Variants in HDAC9 observed in about 807,000 individuals in gnomAD.
The protein encoded by HDAC9 is histone deacetylase 9, also known as MEF-2 interacting transcription repressor (MITR) protein.
In HDAC9, 41 loss-of-function variants were observed where a neutral mutation model predicts 139.4. The observed-to-expected ratio is 0.29, with a 90% CI of 0.23 to 0.38. The LOEUF (loss-of-function observed/expected upper bound fraction) is 0.38. Ranked by LOEUF, HDAC9 falls within the 10% of genes least tolerant of loss-of-function variation. The pLI, the probability that HDAC9 is intolerant of heterozygous loss-of-function variation, is 1.00. For synonymous variants in HDAC9, 517 were observed against 476.2 expected (o/e 1.09, Z -1.12); for missense variants, 1,147 against 1,297.0 (o/e 0.88, Z 1.78).
chr7:18,957,713 T>A (rs1783253049), intron 24 of HDAC9, among the ~76,000 whole-genome samples: 1 of 152,214 alleles, frequency 6.6e-6, no homozygotes, highest in Non-Finnish European at 1.5e-5. Flanking sequence ...TAACCCATTA[T>A]GAAGCTGCCC....
intron 1 of HDAC9, among the ~76,000 whole-genome samples, chr7:18,484,589 G>T (rs892853055): frequency 2.0e-5 from 3 of 152,104 alleles, no homozygotes; most frequent in South Asian, 4.1e-4. Context: ...TATGTTTGTG[G>T]ATTCCCTGTT....
At position 18,998,151 on chromosome 7, in the gene HDAC9, T is replaced by A. The variant is rs1006707042; in HGVS notation, c.*2089T>A. On this transcript the variant is annotated 3_prime_UTR_variant, in exon 26 of 26. Coordinates refer to ENST00000686413, the MANE Select transcript of HDAC9 (RefSeq NM_178425.4). ...TTAAAAAGGAAACTCATGTTTTAAT[T>A]AGAAAAATAATTGTGTAGTTTTAAA... is the stretch of plus-strand genomic sequence containing the variant. 2.6e-5 allele frequency: 4 copies of A among 152,310 alleles called. No homozygotes were observed. The South Asian group carries it at 8.3e-4, about 32-fold the overall frequency. 9.4% of individuals were successfully genotyped at this position (152,310 alleles called of 1,614,324 possible). A position where few individuals can be genotyped will look rare whatever the true frequency, so the allele number is the denominator to read the frequency against.
At chr7:18,191,992 C>T (rs891215597) in intron 2 of HDAC9, among the ~76,000 whole-genome samples, 1 of 152,110 alleles carries the variant, frequency 6.6e-6, no homozygotes, top group African/African-American at 2.4e-5. Flanking sequence ...CAAGGTCTTT[C>T]CCCAGCTATG....
At chr7:18,274,861 A>G (rs2128216435) in intron 2 of HDAC9, among the ~76,000 whole-genome samples, 1 of 152,358 alleles carries the variant, frequency 6.6e-6, no homozygotes, top group African/African-American at 2.4e-5. Flanking sequence ...ACACAAAGAC[A>G]TGCTTCAGAA....
intron 1 of HDAC9, among the ~76,000 whole-genome samples, chr7:18,408,337 G>T (rs1788213278): frequency 6.6e-6 from 1 of 152,154 alleles, no homozygotes; most frequent in Non-Finnish European, 1.5e-5. Context: ...ATGAATGAAT[G>T]AATGAACAAA....
chr7:18,225,606 A>AAC (rs1793003208), intron 2 of HDAC9, among the ~76,000 whole-genome samples: 2 of 152,162 alleles, frequency 1.3e-5, no homozygotes, highest in African/African-American at 2.4e-5. Flanking sequence ...ATATACATGG[A>AAC]ATCTTAAATA....
At chr7:18,275,734 C>T (rs1223669468) in intron 2 of HDAC9, among the ~76,000 whole-genome samples, 1 of 152,100 alleles carries the variant, frequency 6.6e-6, no homozygotes, top group Non-Finnish European at 1.5e-5. Flanking sequence ...TTCCCTTCCT[C>T]GGGTGTTTTC....
intron 1 of HDAC9, among the ~76,000 whole-genome samples, chr7:18,462,025 G>C (rs186944489): frequency 1.3e-5 from 2 of 151,854 alleles, no homozygotes; most frequent in South Asian, 4.1e-4. Context: ...GTTATGTTTT[G>C]ACTAAGTATT....
chr7:18,741,626 C>G (rs1787465647), intron 13 of HDAC9, among the ~76,000 whole-genome samples: 1 of 144,576 alleles, frequency 6.9e-6, no homozygotes, highest in Non-Finnish European at 1.5e-5. Context: ...GCCCATAGAT[C>G]AAGGAGTCTT....
chr7:18,670,038 ATATAGAG>A (rs1442520855), intron 12 of HDAC9, among the ~76,000 whole-genome samples: 8 of 151,946 alleles, frequency 5.3e-5, no homozygotes, highest in African/African-American at 1.9e-4. Context: ...AGATAGATAT[ATATAGAG>A]TATTGTTTTT....
At chr7:18,210,148 T>A (rs1384954605) in intron 2 of HDAC9, among the ~76,000 whole-genome samples, 1 of 152,188 alleles carries the variant, frequency 6.6e-6, no homozygotes, top group Non-Finnish European at 1.5e-5. Flanking sequence ...AATGTTGTCT[T>A]GTTCATTGGG....
At chr7:18,580,728 A>G (rs1338150143) in intron 2 of HDAC9, among the ~76,000 whole-genome samples, 1 of 152,192 alleles carries the variant, frequency 6.6e-6, no homozygotes, top group Non-Finnish European at 1.5e-5. Flanking sequence ...GAATGTTGTG[A>G]ACAGAGATGA....
At chr7:18,278,112 C>T (rs934529482) in intron 2 of HDAC9, among the ~76,000 whole-genome samples, 3 of 152,212 alleles carry the variant, frequency 2.0e-5, no homozygotes, top group Non-Finnish European at 4.4e-5. Flanking sequence ...ATCATTACTT[C>T]ACCAGCTATG....
intron 22 of HDAC9, among the ~76,000 whole-genome samples, chr7:18,920,994 A>G (rs1284977443): frequency 6.6e-6 from 1 of 152,088 alleles, no homozygotes; most frequent in Admixed American, 6.6e-5. Context: ...AGGATTCCCT[A>G]TTTAATAAAT....
rs548393200 is a variant in HDAC9, at chr7:18,094,699, T to A, written c.-97+7486T>A. On this transcript the variant is annotated intron_variant, in intron 1 of 12. Coordinates refer to the HDAC9 transcript ENST00000417496. Reference sequence around the variant, plus strand: ...TTGTACTCCTGGCCTCAAGCTATCCTCCTGCTTAGGCCTCCCAAAGCACTA... The same window carrying A: ...TTGTACTCCTGGCCTCAAGCTATCCACCTGCTTAGGCCTCCCAAAGCACTA... Among the ~76,000 whole-genome samples the A allele has an allele frequency of 1.2e-4, 18 of 152,298 alleles. No individual in the cohort carries two copies. In the East Asian group the frequency reaches 2.3e-3, roughly 20 times the overall value.
chr7:18,603,413 A>G (rs1162642118), intron 6 of HDAC9, among the ~76,000 whole-genome samples: 2 of 152,072 alleles, frequency 1.3e-5, no homozygotes, highest in Non-Finnish European at 2.9e-5. Context: ...AGAACTTTAT[A>G]TAATTCAGTG....
chr7:18,739,771 C>T (rs28824774), intron 13 of HDAC9, among the ~76,000 whole-genome samples: 4,787 of 152,316 alleles, frequency 0.031, 244 homozygotes, highest in African/African-American at 0.11. Flanking sequence ...GCTCAAATGC[C>T]GTGCTGGGAG....
At chr7:18,746,472 A>G (rs545062433) in intron 13 of HDAC9, among the ~76,000 whole-genome samples, 1 of 152,320 alleles carries the variant, frequency 6.6e-6, no homozygotes, top group South Asian at 2.1e-4. Context: ...ATGTAAAAAG[A>G]GGACTTTGTG....
At chr7:18,412,568 G>A (rs2128745480) in intron 1 of HDAC9, among the ~76,000 whole-genome samples, 1 of 152,300 alleles carries the variant, frequency 6.6e-6, no homozygotes, top group South Asian at 2.1e-4. Flanking sequence ...ACTCCTGTTA[G>A]ATGAGGATCC....
Sources: gnomAD v4.1 joint callset for allele counts (sites outside exome capture counted in the v4.1 genomes callset) on GRCh38, gnomAD v4.1.1 for gene constraint, MANE v1.5 for transcripts, NCBI Gene and HGNC (gene_info 2026-07-23, HGNC 2026-07-21) for gene names.